Variants in ARHGEF3 observed in about 807,000 individuals in gnomAD.
The protein encoded by ARHGEF3 is 59.8 kDA protein.
ARHGEF3 carries 28 observed loss-of-function variants against 63.2 expected under a neutral mutation model. The observed-to-expected ratio is 0.44, with a 90% CI of 0.33 to 0.61. The LOEUF is 0.61. ARHGEF3 is among the 20% of genes least tolerant of loss of function. ARHGEF3 has a pLI of 0.03. For synonymous variants in ARHGEF3, 266 were observed against 254.2 expected, an observed-to-expected ratio of 1.05 and a Z score of -0.44; for missense variants, 533 against 659.3, an observed-to-expected ratio of 0.81 and a Z score of 2.10.
chr3:57,068,100 A>G (rs890372756), intron 1 of ARHGEF3, among the ~76,000 whole-genome samples: 1 of 152,122 alleles, frequency 6.6e-6, no homozygotes, highest in Non-Finnish European at 1.5e-5. Context: ...TTGAGCCCAG[A>G]GGACACTAGA....
intron 3 of ARHGEF3, among the ~76,000 whole-genome samples, chr3:56,937,054 A>C (rs1698940547): frequency 6.6e-6 from 1 of 152,200 alleles, no homozygotes; most frequent in South Asian, 2.1e-4. Flanking sequence ...TCTTTTCAAA[A>C]ACTGGAGGGA....
chr3:56,967,691 A>G (rs1475729995), intron 2 of ARHGEF3, among the ~76,000 whole-genome samples: 33 of 86,172 alleles, frequency 3.8e-4, no homozygotes, highest in Non-Finnish European at 6.1e-4. Context: ...ATTATATATA[A>G]CATAATAAAC....
intron 2 of ARHGEF3, among the ~76,000 whole-genome samples, chr3:56,973,950 G>T (rs576650645): frequency 7.2e-5 from 11 of 152,272 alleles, no homozygotes; most frequent in African/African-American, 2.6e-4. Context: ...GACAGTTGTG[G>T]TGGTGCATAC....
chr3:56,801,871 G>A lies in ARHGEF3; in HGVS notation c.-73C>T. ...GACTACAAAACTCCCAGGCAAAAGG[G>A]GGCCCCAGCTCCACGATGCCGGGCG... On this transcript the variant is annotated 5_prime_UTR_variant, in exon 1 of 10. Transcript: ENST00000296315. The A allele has an allele frequency of 6.4e-7, 1 of 1,550,776 alleles. No homozygotes were observed. The highest frequency in any genetic ancestry group is 2.4e-5 in the East Asian group (1 of 40,904).
chr3:56,891,628 C>T (rs933328199), intron 3 of ARHGEF3, among the ~76,000 whole-genome samples: 110 of 152,216 alleles, frequency 7.2e-4, no homozygotes, highest in African/African-American at 2.1e-3. Flanking sequence ...GAACCTTAAG[C>T]GCATCATTTT....
At chr3:56,824,039 A>C (rs979497398) in intron 4 of ARHGEF3, among the ~76,000 whole-genome samples, 1 of 152,090 alleles carries the variant, frequency 6.6e-6, no homozygotes, top group Non-Finnish European at 1.5e-5. Context: ...AGGCTGTACT[A>C]AAACCAGTCC....
At chr3:57,065,823 A>G (rs1705495785) in intron 1 of ARHGEF3, among the ~76,000 whole-genome samples, 1 of 152,132 alleles carries the variant, frequency 6.6e-6, no homozygotes, top group African/African-American at 2.4e-5. Context: ...TAGCACACAC[A>G]GCCCCCTACA....
upstream of ARHGEF3, among the ~76,000 whole-genome samples, chr3:56,803,303 G>A (rs2037741378): frequency 6.6e-6 from 1 of 152,270 alleles, no homozygotes; most frequent in South Asian, 2.1e-4. Flanking sequence ...GCCAGGGATG[G>A]TGGTGCACAC....
At chr3:56,882,642 C>T (rs895789307) in intron 3 of ARHGEF3, among the ~76,000 whole-genome samples, 3 of 151,480 alleles carry the variant, frequency 2.0e-5, no homozygotes, top group Non-Finnish European at 4.4e-5. Context: ...CCTCAGCCTC[C>T]TGAGTAGCTG....
intron 7 of ARHGEF3, among the ~76,000 whole-genome samples, chr3:56,741,419 G>C (rs2034017049): frequency 6.6e-6 from 1 of 150,714 alleles, no homozygotes; most frequent in East Asian, 2.0e-4. Flanking sequence ...CCTGACCTCA[G>C]GTGATCCGCC....
Position 57,001,924 on chromosome 3 carries a change from T to G in ARHGEF3, c.62+33164A>C, listed in dbSNP as rs1274910318. On this transcript the variant is annotated intron_variant, in intron 2 of 12. Transcript: ENST00000338458. ...AACCCAAAGTGAGATAGTTTTTTTT[T>G]TTTTTGTTTTTTGTTTTGAGACGGA... Among the ~76,000 whole-genome samples the G allele has an allele frequency of 8.9e-5, 6 of 67,484 alleles. 1 individual carries two copies. The highest frequency in any genetic ancestry group is 6.2e-4 in the South Asian group (1 of 1,608). 44.3% of individuals were successfully genotyped at this position (67,484 alleles called of 152,430 possible).
intron 4 of ARHGEF3, among the ~76,000 whole-genome samples, chr3:56,876,014 T>C (rs757347958): frequency 5.9e-5 from 9 of 151,922 alleles, no homozygotes; most frequent in Non-Finnish European, 1.0e-4. Context: ...GGGAGCTTCT[T>C]AGAGGAGAGC....
At chr3:56,847,486 T>C (rs1355284341) in intron 4 of ARHGEF3, among the ~76,000 whole-genome samples, 2 of 152,212 alleles carry the variant, frequency 1.3e-5, no homozygotes, top group Non-Finnish European at 2.9e-5. Context: ...TCAAAGATTC[T>C]CTTGTTTTTC....
At chr3:56,937,170 G>C (rs891303715) in intron 3 of ARHGEF3, among the ~76,000 whole-genome samples, 11 of 152,222 alleles carry the variant, frequency 7.2e-5, no homozygotes, top group African/African-American at 2.7e-4. Flanking sequence ...GCTAGATGCA[G>C]TGCATGATCC....
intron 2 of ARHGEF3, among the ~76,000 whole-genome samples, chr3:56,769,778 G>C (rs541958920): frequency 3.3e-4 from 50 of 152,284 alleles, no homozygotes; most frequent in African/African-American, 1.2e-3. Flanking sequence ...ATAATTAAAA[G>C]AATCCAACCT....
chr3:56,827,805 G>A (rs960608462), intron 4 of ARHGEF3, among the ~76,000 whole-genome samples: 2 of 140,522 alleles, frequency 1.4e-5, no homozygotes, highest in Middle Eastern at 4.1e-3. Flanking sequence ...AGGCATGGTC[G>A]CACACTCCCG....
intron 1 of ARHGEF3, among the ~76,000 whole-genome samples, chr3:57,066,254 C>T (rs1386323862): frequency 6.6e-6 from 1 of 151,750 alleles, no homozygotes; most frequent in Non-Finnish European, 1.5e-5. Flanking sequence ...CCAACCATTA[C>T]ACTTTTCCTT....
intron 4 of ARHGEF3, among the ~76,000 whole-genome samples, chr3:56,850,653 T>C (rs2039644825): frequency 6.6e-6 from 1 of 152,194 alleles, no homozygotes; most frequent in Non-Finnish European, 1.5e-5. Flanking sequence ...AAAAAATAAT[T>C]TACAAAATTG....
chr3:57,002,476 ATGT>A (rs375852808), intron 2 of ARHGEF3, among the ~76,000 whole-genome samples: 14,717 of 34,196 alleles, frequency 0.43, 2,888 homozygotes, highest in East Asian at 0.6. Context: ...ATATATATAT[ATGT>A]TATATATATA....
Sources: allele counts gnomAD v4.1 joint callset (sites outside exome capture counted in the v4.1 genomes callset), GRCh38; gene constraint gnomAD v4.1.1; transcripts MANE v1.5; gene names NCBI Gene and HGNC (gene_info 2026-07-23, HGNC 2026-07-21).